CAMK2D: variants seen among roughly 807,000 people sequenced by gnomAD.
CAMK2D encodes the protein calcium/calmodulin dependent protein kinase II delta.
In CAMK2D, 37 loss-of-function variants were observed where a neutral mutation model predicts 84.0. That is an observed-to-expected ratio of 0.44 (90% confidence interval 0.34 to 0.58). CAMK2D has a LOEUF of 0.58. Ranked by LOEUF, CAMK2D falls within the 20% of genes least tolerant of loss-of-function variation. CAMK2D has a pLI of 0.02. For synonymous variants in CAMK2D, 202 were observed against 212.5 expected (o/e 0.95, Z 0.43); for missense variants, 448 against 652.5 (o/e 0.69, Z 3.41).
chr4:113,456,404 A>C (rs1054830497), intron 19 of CAMK2D, among the ~76,000 whole-genome samples: 5 of 152,166 alleles, frequency 3.3e-5, no homozygotes, highest in Admixed American at 2.6e-4. Context: ...CCTATTTTCA[A>C]TTATTCCTCT....
At chr4:113,639,080 CAAAAAAA>C (rs779226375) in intron 3 of CAMK2D, among the ~76,000 whole-genome samples, 6 of 127,330 alleles carry the variant, frequency 4.7e-5, no homozygotes, top group African/African-American at 1.7e-4. Flanking sequence ...TTGCCTCTAC[CAAAAAAA>C]AAAAAAAAAT....
chr4:113,507,362 C>T (rs10446684), intron 13 of CAMK2D, among the ~76,000 whole-genome samples: 90,954 of 151,390 alleles, frequency 0.6, 29,260 homozygotes, highest in African/African-American at 0.84. Flanking sequence ...GTGATTCTCC[C>T]GCCTCAGCCT....
intron 2 of CAMK2D, among the ~76,000 whole-genome samples, chr4:113,679,184 TG>T (rs2099330337): frequency 6.6e-6 from 1 of 151,536 alleles, no homozygotes; most frequent in East Asian, 1.9e-4. Flanking sequence ...AATGGAAAGG[TG>T]AAAAAAAAAT....
Position 113,531,221 on chromosome 4 carries a change from G to T in CAMK2D, c.596C>A (p.Ala199Glu). 4 of 1,548,174 alleles carry T rather than the reference G, an allele frequency of 2.6e-6. No homozygotes were observed. The highest frequency in any genetic ancestry group is 3.6e-6 in the Non-Finnish European group (4 of 1,119,954). Reference sequence around the variant, plus strand: ...TTCAAAATATAATTGCTTACCACATGCCCACATATCCACTGGCTTTCCATA... The same window carrying T: ...TTCAAAATATAATTGCTTACCACATTCCCACATATCCACTGGCTTTCCATA... ...DPYGKPVDMWACGVILYILLV... is the reference protein window; with the variant it reads ...DPYGKPVDMWECGVILYILLV... The change falls in exon 8 of 21, where the codon GCA (alanine) becomes GAA (glutamate). Residue 199 changes from alanine (A) to glutamate (E), a missense_variant. By Grantham distance (107) the Ala-to-Glu change is moderately radical. Transcript: ENST00000511664.
chr4:113,572,315 A>G (rs888883052), intron 4 of CAMK2D, among the ~76,000 whole-genome samples: 1 of 152,182 alleles, frequency 6.6e-6, no homozygotes, highest in African/African-American at 2.4e-5. Context: ...ATTTTACATT[A>G]AAAGCCCTCT....
rs1337165044 is a variant in CAMK2D, at chr4:113,761,072, C to CGG, written c.-6_-5dup. The CGG allele has an allele frequency of 6.2e-7, 1 of 1,614,024 alleles. No homozygotes were observed. Among genetic ancestry groups the CGG allele is most frequent in the African/African-American group, 1.3e-5 (1 of 74,952 alleles). On this transcript the variant is annotated 5_prime_UTR_variant, in exon 1 of 21. Coordinates refer to ENST00000511664, the MANE Select transcript of CAMK2D (RefSeq NM_001321571.2). ...TGCAGGTTGTGGTCGAAGCCATCCT[C>CGG]GGTCCGGGCTGTGCCCTGGCTGGGA...
chr4:113,500,653 A>T, intron 15 of CAMK2D, 142 bp from the exon 16 acceptor site: 1 of 528,854 alleles, frequency 1.9e-6, no homozygotes, highest in South Asian at 2.9e-5. Flanking sequence ...GGACAAACAC[A>T]TTAAGTGGTT....
chr4:113,698,468 A>G (rs181926384), intron 2 of CAMK2D, among the ~76,000 whole-genome samples: 1 of 152,300 alleles, frequency 6.6e-6, no homozygotes, highest in Non-Finnish European at 1.5e-5. Flanking sequence ...AGCACATGCC[A>G]TATGTATACA....
chr4:113,552,195 G>A (rs375619607), intron 4 of CAMK2D, 99 bp from the exon 5 acceptor site: 4 of 626,028 alleles, frequency 6.4e-6, no homozygotes, highest in South Asian at 4.5e-5. Context: ...TTTCTTAGAT[G>A]ATTTAAAAAA....
Position 113,537,423 on chromosome 4 carries a change from A to G in CAMK2D, c.435T>C (p.Ala145=). ...TCACAGCTGCTCCCTTGGATTTGCT[A>G]GCTAAAAGCAAATTCTCAGGCTTTA... ...RDLKPENLLL[A]SKSKGAAVKL... The change falls in exon 7 of 21, where the codon GCT becomes GCC. Residue 145 remains alanine (A), a synonymous_variant. Coordinates refer to ENST00000511664, the MANE Select transcript of CAMK2D (RefSeq NM_001321571.2). 1.2e-6 allele frequency: 2 copies of G among 1,608,290 alleles called. No individual in the cohort carries two copies. The highest frequency in any genetic ancestry group is 8.5e-7 in the Non-Finnish European group (1 of 1,174,938).
At chr4:113,635,746 CT>C (rs1561507884) in intron 3 of CAMK2D, among the ~76,000 whole-genome samples, 1 of 152,156 alleles carries the variant, frequency 6.6e-6, no homozygotes, top group African/African-American at 2.4e-5. Context: ...TAGTTGGTGC[CT>C]TTTTTGGTTT....
At chr4:113,485,316 T>C (rs1043795447) in intron 16 of CAMK2D, among the ~76,000 whole-genome samples, 1 of 152,222 alleles carries the variant, frequency 6.6e-6, no homozygotes, top group Admixed American at 6.5e-5. Flanking sequence ...ATCTATGTTG[T>C]TGCCTCTGAA....
chr4:113,549,612 T>C (rs2098608741), intron 5 of CAMK2D, among the ~76,000 whole-genome samples: 1 of 152,206 alleles, frequency 6.6e-6, no homozygotes, highest in Non-Finnish European at 1.5e-5. Context: ...TGACATATAA[T>C]AATGCAGAAC....
intron 15 of CAMK2D, among the ~76,000 whole-genome samples, chr4:113,501,562 T>C (rs912020801): frequency 2.6e-5 from 4 of 152,052 alleles, no homozygotes; most frequent in African/African-American, 9.7e-5. Context: ...AAATATCATA[T>C]ACAATATTTA....
intron 2 of CAMK2D, among the ~76,000 whole-genome samples, chr4:113,699,908 T>C (rs2099412989): frequency 6.6e-6 from 1 of 152,204 alleles, no homozygotes; most frequent in African/African-American, 2.4e-5. Flanking sequence ...TCCTTAGGAA[T>C]TATGAGTCAT....
chr4:113,662,614 T>C (rs1376098985), intron 2 of CAMK2D, among the ~76,000 whole-genome samples: 1 of 152,172 alleles, frequency 6.6e-6, no homozygotes, highest in Non-Finnish European at 1.5e-5. Context: ...CATCTTATAT[T>C]GGCAATATTA....
intron 6 of CAMK2D, among the ~76,000 whole-genome samples, chr4:113,545,856 G>A (rs2098563926): frequency 6.6e-6 from 1 of 152,192 alleles, no homozygotes; most frequent in Non-Finnish European, 1.5e-5. Context: ...GAAATCTGGT[G>A]GGGAATGCAG....
chr4:113,484,519 A>G (rs1190972375), intron 16 of CAMK2D, among the ~76,000 whole-genome samples: 2 of 152,152 alleles, frequency 1.3e-5, no homozygotes, highest in Non-Finnish European at 2.9e-5. Flanking sequence ...AGCTTGCTGT[A>G]CAGATTAAAT....
At position 113,760,225 on chromosome 4, in the gene CAMK2D, C is replaced by T. The variant is rs368251541; in HGVS notation, c.65+779G>A. Among the ~76,000 whole-genome samples, 15 of 152,246 alleles carry T rather than the reference C, an allele frequency of 9.9e-5. No homozygotes were observed. In the East Asian group the frequency reaches 2.3e-3, roughly 23 times the overall value. On this transcript the variant is annotated intron_variant, in intron 1 of 20. Transcript: ENST00000511664. ...CTCCTGCCTCCTTCCCTAACATCTC[C>T]AAGTAGTTCTGCCAGTCGGGTGAAG...
Sources: gnomAD v4.1 joint callset for allele counts (sites outside exome capture counted in the v4.1 genomes callset) on GRCh38, gnomAD v4.1.1 for gene constraint, MANE v1.5 for transcripts, NCBI Gene and HGNC (gene_info 2026-07-23, HGNC 2026-07-21) for gene names.